The following SYNRG variants were observed in gnomAD, a reference collection of about 807,000 sequenced individuals.
SYNRG encodes AP1 gamma subunit binding protein 1.
Under a neutral mutation model 130.9 loss-of-function variants are expected in SYNRG, and 37 were observed. The observed-to-expected ratio is 0.28, with a 90% confidence interval of 0.22 to 0.37. The LOEUF (loss-of-function observed/expected upper bound fraction) is 0.37. Among genes scored for constraint, SYNRG ranks in the 10% least tolerant of loss-of-function variants. SYNRG has a pLI of 1.00. For synonymous variants in SYNRG, 539 were observed against 568.1 expected (o/e 0.95, Z 0.73); for missense variants, 1,338 against 1,588.9 (o/e 0.84, Z 2.68).
rs1341679385 is a variant in SYNRG, at chr17:37,580,478, C to CGTGTGTGTGTGTGTGT, written c.590-2881_590-2866dup. Among the ~76,000 whole-genome samples the CGTGTGTGTGTGTGTGT allele has an allele frequency of 6.5e-3, 788 of 121,916 alleles. 14 individuals are homozygous for CGTGTGTGTGTGTGTGT. The highest frequency in any genetic ancestry group is 0.021 in the African/African-American group (617 of 29,386). 80.0% of individuals were successfully genotyped at this position (121,916 alleles called of 152,430 possible). ...CCATGCCCAGTTAATCTTTGTATTTCGTGTGTGTGTGTGTGTGTGTGTGTG... is the reference window on the plus strand; with the variant it reads ...CCATGCCCAGTTAATCTTTGTATTTCGTGTGTGTGTGTGTGTGTGTGTGTGTGTGTGTGTGTGTGTG... On this transcript the variant is annotated intron_variant, in intron 6 of 21. Coordinates refer to ENST00000612223, the MANE Select transcript of SYNRG (RefSeq NM_007247.6).
At chr17:37,578,630 G>A (rs987805971) in intron 6 of SYNRG, among the ~76,000 whole-genome samples, 1 of 152,166 alleles carries the variant, frequency 6.6e-6, no homozygotes, top group Non-Finnish European at 1.5e-5. Flanking sequence ...GTACATGTCT[G>A]CCAAGATCCC....
At chr17:37,590,146 C>T (rs1279431400) in intron 3 of SYNRG, among the ~76,000 whole-genome samples, 2 of 144,064 alleles carry the variant, frequency 1.4e-5, no homozygotes, top group Non-Finnish European at 3.0e-5. Context: ...CCAGCCTGGG[C>T]GACAGGGCGA....
chr17:37,596,132 T>A, intron 3 of SYNRG, 91 bp downstream of exon 3: 1 of 1,399,290 alleles, frequency 7.1e-7, no homozygotes, highest in African/African-American at 1.4e-5. Context: ...TATTTCTAAT[T>A]GTAACATTAA....
intron 13 of SYNRG, 139 bp from the exon 14 acceptor site, chr17:37,554,198 A>C (rs1249906593): frequency 2.7e-6 from 2 of 731,018 alleles, no homozygotes; most frequent in East Asian, 5.8e-5. Context: ...TACATACTTT[A>C]AACCCTATCG....
chr17:37,550,661 A>G (rs1156355241), intron 14 of SYNRG, among the ~76,000 whole-genome samples: 2 of 151,868 alleles, frequency 1.3e-5, no homozygotes, highest in African/African-American at 2.4e-5. Flanking sequence ...CACACAGAAA[A>G]TGTCTAAATT....
intron 1 of SYNRG, 115 bp downstream of exon 1, chr17:37,609,164 C>A: frequency 8.4e-7 from 1 of 1,184,716 alleles, no homozygotes; most frequent in Non-Finnish European, 1.1e-6. Flanking sequence ...ACCCTCCTCC[C>A]GCAGCCCAGT....
intron 6 of SYNRG, among the ~76,000 whole-genome samples, chr17:37,578,541 A>G (rs1464885802): frequency 2.0e-5 from 3 of 152,164 alleles, no homozygotes; most frequent in Non-Finnish European, 2.9e-5. Flanking sequence ...ACTAACTCCT[A>G]GGGAGGCCTC....
At chr17:37,522,001 G>C (rs1357719045) in intron 19 of SYNRG, among the ~76,000 whole-genome samples, 1 of 152,096 alleles carries the variant, frequency 6.6e-6, no homozygotes, top group Non-Finnish European at 1.5e-5. Context: ...CAGGTGGTTG[G>C]ATACACATAC....
intron 13 of SYNRG, among the ~76,000 whole-genome samples, chr17:37,556,177 C>T (rs779547565): frequency 4.6e-5 from 7 of 152,168 alleles, no homozygotes; most frequent in East Asian, 1.9e-4. Flanking sequence ...GGGCCAGGCA[C>T]GGTGGCTCAC....
rs914358000 is a variant in SYNRG at position 37,539,373 on chromosome 17, T to A, written c.3367-128A>T. 14 of 992,506 alleles carry A rather than the reference T, an allele frequency of 1.4e-5. No homozygotes were observed. In the South Asian group the frequency reaches 1.6e-4, roughly 12 times the overall value. The allele number at this position is 992,506 out of a possible 1,614,324, so 61.5% of individuals were successfully genotyped here. A position where few individuals can be genotyped will look rare whatever the true frequency, so the allele number is the denominator to read the frequency against. ...CGATCACTCTAGTTCAAGCAGTTTA[T>A]GTTTTTTTTGTTTTTGTTTTTGTTT... On this transcript the variant is annotated intron_variant, in intron 16 of 21. Transcript: ENST00000612223.
intron 11 of SYNRG, among the ~76,000 whole-genome samples, chr17:37,565,259 T>C (rs2059843347): frequency 6.9e-6 from 1 of 144,316 alleles, no homozygotes; most frequent in Non-Finnish European, 1.5e-5. Context: ...CAAGACTCCG[T>C]CTTAAAAAAA....
rs4605217 is a variant in SYNRG at position 37,608,814 on chromosome 17, A to C, written c.77+465T>G. Among the ~76,000 whole-genome samples the C allele has an allele frequency of 9.7e-3, 1,473 of 152,302 alleles. 26 individuals are homozygous for C. The highest frequency in any genetic ancestry group is 0.034 in the African/African-American group (1,403 of 41,560). ...CACTCTAAAAGGGGAAGAGACAAAT[A>C]GTCCACACACACACCCCCCTTGGAA... On this transcript the variant is annotated intron_variant, in intron 1 of 21. Coordinates refer to ENST00000612223, the MANE Select transcript of SYNRG (RefSeq NM_007247.6).
In SYNRG at chr17:37,553,983, T is replaced by C; in HGVS notation, c.1740A>G (p.Ser580=). 1 of 1,610,982 alleles carries C rather than the reference T, an allele frequency of 6.2e-7. No individual in the cohort carries two copies. Among genetic ancestry groups the C allele is most frequent in the Non-Finnish European group, 8.5e-7 (1 of 1,179,386 alleles). ...FTDFKTADSV[S]PLEPPTKDKT... ...TGTCTTTTGTTGGTGGCTCTAGTGG[T>C]GATACACTATCGGCTGTTTTAAAAT... Residue 580 remains serine (S), a synonymous_variant, in exon 14 of 22, where the codon TCA becomes TCG. Coordinates refer to ENST00000612223, the MANE Select transcript of SYNRG (RefSeq NM_007247.6).
At chr17:37,568,144 C>A (rs1280670867) in intron 11 of SYNRG, 1 of 152,268 alleles carries the variant, frequency 6.6e-6, no homozygotes, top group African/African-American at 2.4e-5. Context: ...GTGGAGGTTG[C>A]AGTGAGCCGA....
intron 8 of SYNRG, 89 bp from the exon 9 acceptor site, chr17:37,572,076 T>C (rs1018928705): frequency 1.0e-5 from 12 of 1,156,130 alleles, no homozygotes; most frequent in Non-Finnish European, 1.5e-5. Flanking sequence ...AAGAATAATC[T>C]TCAACAAAAC....
intron 19 of SYNRG, among the ~76,000 whole-genome samples, chr17:37,526,002 G>A (rs974366241): frequency 2.0e-5 from 3 of 152,052 alleles, no homozygotes; most frequent in East Asian, 1.9e-4. Flanking sequence ...ACGTGGTGGC[G>A]GGTGCCTGTA....
intron 14 of SYNRG, among the ~76,000 whole-genome samples, chr17:37,547,549 A>G (rs2058379023): frequency 6.7e-6 from 1 of 148,882 alleles, no homozygotes; most frequent in Non-Finnish European, 1.5e-5. Flanking sequence ...TGCAACCTCC[A>G]CCTCACAGGT....
At chr17:37,534,412 A>G (rs2056994184) in intron 19 of SYNRG, among the ~76,000 whole-genome samples, 1 of 151,986 alleles carries the variant, frequency 6.6e-6, no homozygotes, top group East Asian at 1.9e-4. Context: ...TTTGGTAGAG[A>G]CGGAGTTTTG....
At chr17:37,551,340 T>C (rs1294237037) in intron 14 of SYNRG, among the ~76,000 whole-genome samples, 1 of 152,188 alleles carries the variant, frequency 6.6e-6, no homozygotes, top group African/African-American at 2.4e-5. Context: ...TAACAACCGC[T>C]CTAAAGGGAT....
Sources: allele counts gnomAD v4.1 joint callset (sites outside exome capture counted in the v4.1 genomes callset), GRCh38; gene constraint gnomAD v4.1.1; transcripts MANE v1.5; gene names NCBI Gene and HGNC (gene_info 2026-07-23, HGNC 2026-07-21).